The following SEC22C variants were observed in gnomAD, a reference collection of about 807,000 sequenced individuals.
SEC22C encodes the protein SEC22 homolog C, vesicle trafficking protein.
A neutral mutation model predicts 34.7 loss-of-function variants in SEC22C; 29 were observed. The ratio of observed to expected loss-of-function variants is 0.84; its 90% CI spans 0.62 to 1.14. The LOEUF (loss-of-function observed/expected upper bound fraction) is 1.14, where lower values mean the gene tolerates loss of function less well. Ranked by LOEUF, SEC22C falls within the 50% of genes most tolerant of loss-of-function variation. SEC22C has a pLI of 0.00. For missense variants in SEC22C, 337 were observed against 369.0 expected, an observed-to-expected ratio of 0.91 and a Z score of 0.71; for synonymous variants, 117 against 132.8, an observed-to-expected ratio of 0.88 and a Z score of 0.82.
intron 2 of SEC22C, chr3:42,566,674 G>A (rs1400224592): frequency 5.9e-5 from 9 of 152,034 alleles, no homozygotes; most frequent in Admixed American, 2.5e-4. Context: ...GCGAGACTCC[G>A]TCTCAAAAAA....
intron 1 of SEC22C, among the ~76,000 whole-genome samples, chr3:42,597,428 T>C (rs1705060612): frequency 6.6e-6 from 1 of 152,104 alleles, no homozygotes; most frequent in African/African-American, 2.4e-5. Flanking sequence ...TGGTGGCGTG[T>C]GCCTGTAGTC....
At position 42,563,520 on chromosome 3, in the gene SEC22C, A is replaced by G. The variant is rs372553816; in HGVS notation, c.346+3T>C. On this transcript the variant is annotated splice_donor_region_variant and intron_variant, in intron 3 of 6. Transcript: ENST00000264454. ...AAAATAAATATGAAAGAGGGTTACA[A>G]ACCAAACTCAAGAAAAGCGTATGGC... 2.5e-6 allele frequency: 4 copies of G among 1,606,806 alleles called. No individual in the cohort carries two copies. The African/African-American group carries it at 5.4e-5, about 22-fold the overall frequency.
rs74873700 is a variant in SEC22C, at chr3:42,550,560, T to C, written c.*2688A>G. ...GCTGGATTTCAGTCAAACAATGTTT[T>C]TGTGGTCATTACTTGTACTGTTTTT... On this transcript the variant is annotated 3_prime_UTR_variant, in exon 7 of 7. Coordinates refer to ENST00000264454, the MANE Select transcript of SEC22C (RefSeq NM_032970.4). 1.4e-5 allele frequency: 14 copies of C among 985,456 alleles called. No individual in the cohort carries two copies. In the East Asian group the frequency reaches 1.4e-3, roughly 96 times the overall value. 61.0% of individuals were successfully genotyped at this position (985,456 alleles called of 1,614,324 possible).
intron 4 of SEC22C, among the ~76,000 whole-genome samples, chr3:42,560,096 TTCTC>T (rs4016302): frequency 0.027 from 3,754 of 138,610 alleles, 88 homozygotes; most frequent in East Asian, 0.087. Flanking sequence ...ATGATAAGGA[TTCTC>T]TCTCTCTCTC....
chr3:42,575,478 A>G (rs992773838), intron 1 of SEC22C, among the ~76,000 whole-genome samples: 11 of 152,246 alleles, frequency 7.2e-5, no homozygotes, highest in Non-Finnish European at 1.5e-4. Flanking sequence ...AGCAAGAGTT[A>G]TATTATCATC....
chr3:42,586,243 T>G (rs915323490), upstream of SEC22C, among the ~76,000 whole-genome samples: 49 of 152,284 alleles, frequency 3.2e-4, no homozygotes, highest in Non-Finnish European at 6.6e-4. Context: ...TTGTTGTTGT[T>G]GAGACAGAGT....
At chr3:42,569,160 T>C (rs1577330057) in intron 1 of SEC22C, 87 bp from the exon 2 acceptor site, 2 of 803,112 alleles carry the variant, frequency 2.5e-6, no homozygotes, top group Non-Finnish European at 4.0e-6. Context: ...CTCTAGGGTT[T>C]TTCACCCTCA....
chr3:42,572,007 T>G (rs1053442210), intron 1 of SEC22C, among the ~76,000 whole-genome samples: 30 of 152,114 alleles, frequency 2.0e-4, no homozygotes, highest in African/African-American at 7.2e-4. Flanking sequence ...CACTCCAACC[T>G]AGGTGACAGA....
chr3:42,563,960 T>A, intron 2 of SEC22C: 2 of 1,338,734 alleles, frequency 1.5e-6, no homozygotes, highest in Non-Finnish European at 2.0e-6. Context: ...TTGGGGGAAT[T>A]AGCCTCAGAC....
intron 1 of SEC22C, chr3:42,591,464 G>T: frequency 7.8e-7 from 1 of 1,284,392 alleles, no homozygotes; most frequent in East Asian, 2.3e-5. Flanking sequence ...AAGGGCCGGG[G>T]TTACAGGCGT....
chr3:42,549,098 TTC>T lies in SEC22C; in HGVS notation c.*4148_*4149del, dbSNP rs1702127556. On this transcript the variant is annotated 3_prime_UTR_variant, in exon 7 of 7. Transcript: ENST00000264454. ...TGACTGGTGCACTCTTTCCCTCACC[TTC>T]TCTCTCAAGGGCACAGCTACACTCT... 1 of 997,614 alleles carries T rather than the reference TTC, an allele frequency of 1.0e-6. No individual in the cohort carries two copies. Among genetic ancestry groups the T allele is most frequent in the Non-Finnish European group, 1.2e-6 (1 of 836,688 alleles). The allele number at this position is 997,614 out of a possible 1,614,324, so 61.8% of individuals were successfully genotyped here.
rs772662250 is a variant in SEC22C, at chr3:42,556,006, T to C, written c.646-11A>G. 1.9e-5 allele frequency: 31 copies of C among 1,606,046 alleles called. No individual in the cohort carries two copies. The highest frequency in any genetic ancestry group is 2.7e-5 in the African/African-American group (2 of 74,640). Reference sequence around the variant, plus strand: ...TTCCTCATGGGCAACCTAAAACAAATACAAGGAACACAAGGAAAGGGATAT... The same window carrying C: ...TTCCTCATGGGCAACCTAAAACAAACACAAGGAACACAAGGAAAGGGATAT... On this transcript the variant is annotated splice_polypyrimidine_tract_variant and intron_variant, in intron 5 of 6. Transcript: ENST00000264454.
At chr3:42,557,138 G>A (rs1019280388) in intron 5 of SEC22C, among the ~76,000 whole-genome samples, 1 of 152,224 alleles carries the variant, frequency 6.6e-6, no homozygotes. Context: ...ACTTCCTAGT[G>A]ACATATAATT....
chr3:42,591,276 G>T, intron 1 of SEC22C: 1 of 573,800 alleles, frequency 1.7e-6, no homozygotes, highest in East Asian at 2.9e-5. Flanking sequence ...TTGGCTCACT[G>T]AAACCACCGC....
intron 3 of SEC22C, among the ~76,000 whole-genome samples, chr3:42,561,918 G>T (rs913929461): frequency 1.3e-5 from 2 of 151,786 alleles, no homozygotes; most frequent in African/African-American, 4.8e-5. Context: ...CTGATAGTAC[G>T]GTACAACCCT....
upstream of SEC22C, among the ~76,000 whole-genome samples, chr3:42,584,841 T>C (rs1227393141): frequency 6.6e-6 from 1 of 152,076 alleles, no homozygotes; most frequent in African/African-American, 2.4e-5. Flanking sequence ...GCTCTTCAAA[T>C]ATGGGGAATT....
At chr3:42,571,111 C>A (rs1703600169) in intron 1 of SEC22C, among the ~76,000 whole-genome samples, 1 of 152,182 alleles carries the variant, frequency 6.6e-6, no homozygotes, top group African/African-American at 2.4e-5. Flanking sequence ...GTAGTTCTGT[C>A]TTTATGGAGC....
intron 1 of SEC22C, chr3:42,594,669 A>T (rs1704975366): frequency 7.0e-6 from 4 of 571,936 alleles, no homozygotes; most frequent in Non-Finnish European, 1.2e-5. Context: ...AATGTGAAGA[A>T]AGCTACTAAC....
At chr3:42,570,003 C>G (rs1458694634) in intron 1 of SEC22C, among the ~76,000 whole-genome samples, 2 of 152,206 alleles carry the variant, frequency 1.3e-5, no homozygotes, top group Non-Finnish European at 2.9e-5. Context: ...TCAGATAAGT[C>G]TTTCCAATAG....
Sources: allele counts gnomAD v4.1 joint callset (sites outside exome capture counted in the v4.1 genomes callset), GRCh38; gene constraint gnomAD v4.1.1; transcripts MANE v1.5; gene names NCBI Gene and HGNC (gene_info 2026-07-23, HGNC 2026-07-21).